DSC2: variants seen among roughly 807,000 people sequenced by gnomAD.
DSC2 encodes desmocollin-2.
A neutral mutation model predicts 87.6 loss-of-function variants in DSC2; 51 were observed. The observed-to-expected ratio is 0.58, with a 90% CI of 0.46 to 0.74. DSC2 has a LOEUF of 0.74. Ranked by LOEUF, DSC2 falls within the 30% of genes least tolerant of loss-of-function variation. The probability of loss-of-function intolerance (pLI) is 0.00; values close to 1 mark genes in which losing one functional copy is unlikely to be tolerated. For synonymous variants in DSC2, 383 were observed against 393.2 expected (o/e 0.97, Z 0.31); for missense variants, 1,066 against 1,089.5 (o/e 0.98, Z 0.30).
At chr18:31,083,458 A>C (rs908577895) in intron 7 of DSC2, among the ~76,000 whole-genome samples, 7 of 152,174 alleles carry the variant, frequency 4.6e-5, no homozygotes, top group Non-Finnish European at 1.0e-4. Flanking sequence ...TATTCAACAG[A>C]AAAAGAAGAG....
At chr18:31,073,325 T>TCTTC (rs1243262719) in intron 12 of DSC2, among the ~76,000 whole-genome samples, 1 of 151,364 alleles carries the variant, frequency 6.6e-6, no homozygotes, top group Non-Finnish European at 1.5e-5. Flanking sequence ...TAAAGTTAAT[T>TCTTC]CTTCCTCCCC....
intron 2 of DSC2, 104 bp from the exon 3 acceptor site, chr18:31,092,404 T>C (rs1356938729): frequency 4.3e-6 from 4 of 928,556 alleles, no homozygotes; most frequent in Non-Finnish European, 6.8e-6. Flanking sequence ...AAATTCATTA[T>C]ACTGACACTT....
chr18:31,068,216 C>G lies in DSC2; in HGVS notation c.2509-4G>C, dbSNP rs1376662418. The G allele has an allele frequency of 6.2e-7, 1 of 1,613,860 alleles. No individual in the cohort carries two copies. The highest frequency in any genetic ancestry group is 1.3e-5 in the African/African-American group (1 of 74,886). On this transcript the variant is annotated splice_polypyrimidine_tract_variant and splice_region_variant and intron_variant, in intron 15 of 15. Coordinates refer to ENST00000280904, the MANE Select transcript of DSC2 (RefSeq NM_024422.6). ...CTTGATTACACAGATACACTTTCTG[C>G]CAAGGGGAAAAACACAACGTTTTTA... is the stretch of plus-strand genomic sequence containing the variant.
intron 1 of DSC2, among the ~76,000 whole-genome samples, chr18:31,097,906 T>C (rs1987814162): frequency 1.3e-5 from 2 of 150,342 alleles, no homozygotes; most frequent in Non-Finnish European, 2.9e-5. Flanking sequence ...ATTCATATTT[T>C]ATTATGAGTG....
intron 7 of DSC2, among the ~76,000 whole-genome samples, chr18:31,085,992 A>T (rs1567979619): frequency 6.6e-6 from 1 of 152,128 alleles, no homozygotes; most frequent in South Asian, 2.1e-4. Context: ...AGAGACATCA[A>T]ATACAATTTG....
At chr18:31,097,508 C>G (rs1987800240) in intron 1 of DSC2, among the ~76,000 whole-genome samples, 1 of 151,542 alleles carries the variant, frequency 6.6e-6, no homozygotes, top group South Asian at 2.1e-4. Context: ...CAATAAAAAC[C>G]TCCATAAAAT....
At chr18:31,093,386 C>A (rs1007345379) in intron 2 of DSC2, among the ~76,000 whole-genome samples, 173 bp downstream of exon 2, 1 of 152,186 alleles carries the variant, frequency 6.6e-6, no homozygotes, top group African/African-American at 2.4e-5. Context: ...TGAGAACATG[C>A]AGTGTTTGAT....
In DSC2 at chr18:31,101,622, G is replaced by A. The variant is rs1987959883; in HGVS notation, c.69+281C>T. ...TCCCCGGCGCGTACCCAGGGGCCAC[G>A]ATTTTGGCTGGGCGAAAGCGGCCCG... On this transcript the variant is annotated intron_variant, in intron 1 of 15. Transcript: ENST00000280904. 4 of 416,920 alleles carry A rather than the reference G, an allele frequency of 9.6e-6. No individual in the cohort carries two copies. The South Asian group carries it at 1.6e-4, about 17-fold the overall frequency. 25.8% of individuals were successfully genotyped at this position (416,920 alleles called of 1,614,324 possible). A position where few individuals can be genotyped will look rare whatever the true frequency, so the allele number is the denominator to read the frequency against.
intron 1 of DSC2, among the ~76,000 whole-genome samples, chr18:31,100,878 T>C (rs752609400): frequency 6.6e-6 from 1 of 152,124 alleles, no homozygotes; most frequent in Admixed American, 6.5e-5. Context: ...GGACTTTTTA[T>C]ATCCCCAATT....
Position 31,065,928 on chromosome 18 carries a change from T to C in DSC2, c.*2087A>G, listed in dbSNP as rs1003220965. The stretch of plus-strand genomic sequence containing the variant: ...AAAGAAAAATCTTTTCAGTATCTTA[T>C]TGTCTTAATTGACCTTTTGTTAACA... On this transcript the variant is annotated 3_prime_UTR_variant, in exon 16 of 16. Transcript: ENST00000280904. The C allele has an allele frequency of 6.6e-6, 1 of 152,234 alleles. No individual in the cohort carries two copies. Among genetic ancestry groups the C allele is most frequent in the South Asian group, 2.1e-4 (1 of 4,832 alleles). 9.4% of individuals were successfully genotyped at this position (152,234 alleles called of 1,614,324 possible).
At chr18:31,083,541 C>T (rs1466377474) in intron 7 of DSC2, among the ~76,000 whole-genome samples, 1 of 151,940 alleles carries the variant, frequency 6.6e-6, no homozygotes, top group Non-Finnish European at 1.5e-5. Flanking sequence ...AAAGTACATT[C>T]TTATGTTCAA....
intron 11 of DSC2, 141 bp from the exon 12 acceptor site, chr18:31,075,048 A>C (rs1229869215): frequency 1.3e-5 from 11 of 870,648 alleles, no homozygotes; most frequent in Admixed American, 4.2e-5. Context: ...CTATGTCCTC[A>C]GGGAATGTTA....
In DSC2 at chr18:31,087,736, T is replaced by C. The variant is rs377279601; in HGVS notation, c.708A>G (p.Glu236=). ...CTGTAAAAATTGGGTAGTTATCATT[T>C]TCATCCTCTATTTTGATTATTAGGG... is the stretch of plus-strand genomic sequence containing the variant. The part of the protein sequence containing the change: ...PLPLIIKIED[E]NDNYPIFTEE... Residue 236 remains glutamate, a synonymous_variant, in exon 6 of 16, where the codon GAA becomes GAG. Coordinates refer to ENST00000280904, the MANE Select transcript of DSC2 (RefSeq NM_024422.6). 4 of 1,613,786 alleles carry C rather than the reference T, an allele frequency of 2.5e-6. No homozygotes were observed. In the African/African-American group the frequency reaches 5.3e-5, roughly 22 times the overall value.
At chr18:31,092,868 C>T (rs922627057) in intron 2 of DSC2, among the ~76,000 whole-genome samples, 3 of 152,046 alleles carry the variant, frequency 2.0e-5, no homozygotes, top group African/African-American at 7.2e-5. Context: ...AGTTTCAGTA[C>T]TATTTCTCAA....
At chr18:31,097,981 T>C (rs1310518525) in intron 1 of DSC2, among the ~76,000 whole-genome samples, 1 of 152,228 alleles carries the variant, frequency 6.6e-6, no homozygotes, top group Non-Finnish European at 1.5e-5. Context: ...TACATCCATG[T>C]TGCACTTTTT....
chr18:31,061,049 A>T lies in DSC2; in HGVS notation c.*6966T>A, dbSNP rs1295678394. 6.6e-6 allele frequency: 1 copy of T among 152,244 alleles called. No homozygotes were observed. The highest frequency in any genetic ancestry group is 1.5e-5 in the Non-Finnish European group (1 of 68,044). 9.4% of individuals were successfully genotyped at this position (152,244 alleles called of 1,614,324 possible). A position where few individuals can be genotyped will look rare whatever the true frequency, so the allele number is the denominator to read the frequency against. On this transcript the variant is annotated 3_prime_UTR_variant, in exon 16 of 16. Transcript: ENST00000280904. ...TAAGAAAAAATGACCTAGAAAATGTATTGAAAAGTGAAGGCTTCTATACTT... is the reference window on the plus strand; with the variant it reads ...TAAGAAAAAATGACCTAGAAAATGTTTTGAAAAGTGAAGGCTTCTATACTT...
At chr18:31,087,122 C>T (rs1658129) in intron 6 of DSC2, among the ~76,000 whole-genome samples, 5,534 of 152,280 alleles carry the variant, frequency 0.036, 116 homozygotes, top group Non-Finnish European at 0.059. Context: ...TTCACTTAGA[C>T]ATTTCTAGAC....
intron 4 of DSC2, 64 bp from the exon 5 acceptor site, chr18:31,089,658 T>C: frequency 6.7e-7 from 1 of 1,500,790 alleles, no homozygotes; most frequent in Non-Finnish European, 9.1e-7. Context: ...CATCTATATA[T>C]TTATGAAATC....
At chr18:31,092,452 A>T in intron 2 of DSC2, 152 bp from the exon 3 acceptor site, 1 of 676,816 alleles carries the variant, frequency 1.5e-6, no homozygotes. Flanking sequence ...TATATGGTGA[A>T]TTAAGTTGTG....
Sources: gnomAD v4.1 joint callset for allele counts (sites outside exome capture counted in the v4.1 genomes callset) on GRCh38, gnomAD v4.1.1 for gene constraint, MANE v1.5 for transcripts, NCBI Gene and HGNC (gene_info 2026-07-23, HGNC 2026-07-21) for gene names.